Variants in MCTP1 observed in about 807,000 individuals in gnomAD.
The protein encoded by MCTP1 is multiple C2 and transmembrane domain-containing protein 1.
MCTP1 carries 69 observed loss-of-function variants against 120.6 expected under a neutral mutation model. The observed-to-expected ratio is 0.57, with a 90% CI of 0.47 to 0.70. The LOEUF is 0.70. Among genes scored for constraint, MCTP1 ranks in the 30% least tolerant of loss-of-function variants. The pLI is 0.00. For missense variants in MCTP1, 1,203 were observed against 1,248.8 expected, an observed-to-expected ratio of 0.96 and a Z score of 0.55; for synonymous variants, 529 against 493.1, an observed-to-expected ratio of 1.07 and a Z score of -0.96.
Position 94,931,944 on chromosome 5 carries a change from A to G in MCTP1, c.1212+9T>C. On this transcript the variant is annotated intron_variant, in intron 6 of 22. Transcript: ENST00000515393. The stretch of plus-strand genomic sequence containing the variant: ...AAGAAAAGCTGAAAGATCACAAGCT[A>G]AGAATTACCTTACTTGATCTTTTCC... The G allele has an allele frequency of 6.3e-7, 1 of 1,598,440 alleles. No homozygotes were observed. Among genetic ancestry groups the G allele is most frequent in the Non-Finnish European group, 8.6e-7 (1 of 1,168,474 alleles).
At chr5:95,068,956 C>CTTT in intron 1 of MCTP1, 1 of 193,260 alleles carries the variant, frequency 5.2e-6, no homozygotes, top group Non-Finnish European at 1.0e-5. Context: ...GAGCAGGTAT[C>CTTT]TTTTTTTTTT....
intron 1 of MCTP1, among the ~76,000 whole-genome samples, chr5:95,227,133 C>A (rs1202643139): frequency 6.6e-6 from 1 of 152,082 alleles, no homozygotes; most frequent in Non-Finnish European, 1.5e-5. Context: ...AAAATAAGAA[C>A]CTGACACTTT....
At chr5:94,862,835 C>T (rs1796076508) in intron 17 of MCTP1, among the ~76,000 whole-genome samples, 1 of 151,724 alleles carries the variant, frequency 6.6e-6, no homozygotes, top group Non-Finnish European at 1.5e-5. Context: ...TTTTGAGTAG[C>T]AATTTGATGT....
At chr5:94,792,868 A>T (rs1779267347) in intron 18 of MCTP1, 1 of 152,242 alleles carries the variant, frequency 6.6e-6, no homozygotes, top group Non-Finnish European at 1.5e-5. Context: ...TAAAGGTACA[A>T]CTGGGATAGA....
At chr5:94,867,435 G>C in intron 17 of MCTP1, 1 of 977,140 alleles carries the variant, frequency 1.0e-6, no homozygotes, top group Non-Finnish European at 1.6e-6. Flanking sequence ...ACACTCATTT[G>C]AATGGTAATA....
chr5:94,736,177 T>C (rs1355352188), intron 19 of MCTP1, among the ~76,000 whole-genome samples: 2 of 152,266 alleles, frequency 1.3e-5, no homozygotes, highest in Non-Finnish European at 2.9e-5. Flanking sequence ...ATTGCTATGG[T>C]AGCACAGTCC....
At chr5:95,247,962 C>T (rs1314349758) in intron 1 of MCTP1, among the ~76,000 whole-genome samples, 2 of 151,974 alleles carry the variant, frequency 1.3e-5, no homozygotes, top group African/African-American at 2.4e-5. Context: ...CCTTCTGTCT[C>T]GTTCAACAAA....
intron 1 of MCTP1, among the ~76,000 whole-genome samples, chr5:95,214,300 CAAA>C: frequency 6.6e-6 from 1 of 152,110 alleles, no homozygotes. Context: ...AAATGCAAAT[CAAA>C]ACCACAATGA....
chr5:95,234,090 T>C (rs1207003895), intron 1 of MCTP1, among the ~76,000 whole-genome samples: 1 of 151,938 alleles, frequency 6.6e-6, no homozygotes, highest in South Asian at 2.1e-4. Context: ...GGAAAGAATA[T>C]TTTTATATTT....
intron 1 of MCTP1, among the ~76,000 whole-genome samples, chr5:95,022,178 T>C (rs1838319696): frequency 6.6e-6 from 1 of 152,200 alleles, no homozygotes; most frequent in Admixed American, 6.5e-5. Flanking sequence ...ATAGCTCCCA[T>C]GATATATTAG....
intron 1 of MCTP1, among the ~76,000 whole-genome samples, chr5:95,127,275 T>C (rs1163324296): frequency 2.6e-5 from 4 of 152,148 alleles, no homozygotes; most frequent in Non-Finnish European, 5.9e-5. Flanking sequence ...CATTCATCTG[T>C]TCATTCCACC....
At chr5:95,223,017 T>C (rs1243201239) in intron 1 of MCTP1, among the ~76,000 whole-genome samples, 1 of 152,212 alleles carries the variant, frequency 6.6e-6, no homozygotes, top group African/African-American at 2.4e-5. Context: ...TGAGGGCATC[T>C]TTTCATTCTA....
At chr5:94,811,105 C>G (rs1014098103) in intron 17 of MCTP1, among the ~76,000 whole-genome samples, 2 of 152,202 alleles carry the variant, frequency 1.3e-5, no homozygotes, top group African/African-American at 4.8e-5. Context: ...TTATGTTTAG[C>G]AGCTCTAGCT....
chr5:94,950,251 T>C (rs756793324), intron 3 of MCTP1, among the ~76,000 whole-genome samples: 2 of 152,140 alleles, frequency 1.3e-5, no homozygotes, highest in Non-Finnish European at 2.9e-5. Flanking sequence ...CATATAGAAA[T>C]GTAAAAAGTG....
intron 1 of MCTP1, among the ~76,000 whole-genome samples, chr5:95,058,213 C>A (rs998994805): frequency 1.3e-5 from 2 of 152,146 alleles, no homozygotes; most frequent in African/African-American, 4.8e-5. Flanking sequence ...ATGATTGATT[C>A]TTGGAACAAA....
chr5:94,860,526 G>A (rs1561762835), intron 17 of MCTP1, among the ~76,000 whole-genome samples: 1 of 151,688 alleles, frequency 6.6e-6, no homozygotes, highest in Non-Finnish European at 1.5e-5. Flanking sequence ...CTATAATATA[G>A]TTAATAATTT....
intron 1 of MCTP1, among the ~76,000 whole-genome samples, chr5:95,246,815 G>A (rs1369880902): frequency 6.6e-6 from 1 of 152,106 alleles, no homozygotes; most frequent in Non-Finnish European, 1.5e-5. Flanking sequence ...GAGGATTTTT[G>A]CATCAATGTT....
At chr5:94,839,285 T>G (rs1424469189) in intron 17 of MCTP1, among the ~76,000 whole-genome samples, 2 of 152,194 alleles carry the variant, frequency 1.3e-5, no homozygotes, top group African/African-American at 4.8e-5. Context: ...ATCCACAAAA[T>G]TTTATAATCA....
At chr5:94,725,772 G>C (rs1442679513) in intron 19 of MCTP1, among the ~76,000 whole-genome samples, 2 of 152,072 alleles carry the variant, frequency 1.3e-5, no homozygotes, top group African/African-American at 4.8e-5. Context: ...TTCTTCATCT[G>C]TAAAATGAGG....
Sources: gnomAD v4.1 joint callset for allele counts (sites outside exome capture counted in the v4.1 genomes callset) on GRCh38, gnomAD v4.1.1 for gene constraint, MANE v1.5 for transcripts, NCBI Gene and HGNC (gene_info 2026-07-23, HGNC 2026-07-21) for gene names.